DCT: variants seen among roughly 807,000 people sequenced by gnomAD.
The protein encoded by DCT is L-dopachrome tautomerase.
Under a neutral mutation model 53.0 loss-of-function variants are expected in DCT, and 47 were observed. The observed-to-expected ratio is 0.89, with a 90% CI of 0.70 to 1.13. The LOEUF is 1.13. Ranked by LOEUF, DCT falls within the 50% of genes most tolerant of loss-of-function variation. The pLI is 0.00. For missense variants in DCT, 669 were observed against 637.4 expected (o/e 1.05, Z -0.53); for synonymous variants, 244 against 237.0 (o/e 1.03, Z -0.27).
chr13:94,444,799 G>A (rs1566801747), intron 6 of DCT, among the ~76,000 whole-genome samples: 1 of 152,184 alleles, frequency 6.6e-6, no homozygotes, highest in South Asian at 2.1e-4. Context: ...ACTGTACCTT[G>A]TACCTCATTT....
At chr13:94,460,565 T>G (rs1883714176) in intron 5 of DCT, among the ~76,000 whole-genome samples, 1 of 152,170 alleles carries the variant, frequency 6.6e-6, no homozygotes, top group Non-Finnish European at 1.5e-5. Flanking sequence ...TTGTCTGTGA[T>G]CAGTAAATTC....
the DCT span, among the ~76,000 whole-genome samples, chr13:94,511,856 GTGTGTGTGTGTGTT>G: frequency 3.2e-5 from 4 of 126,518 alleles, no homozygotes; most frequent in Non-Finnish European, 5.0e-5. Flanking sequence ...GTGTGTGTGT[GTGTGTGTGTGTGTT>G]TGTGTTTTAA....
intron 1 of DCT, among the ~76,000 whole-genome samples, chr13:94,478,052 G>C (rs1315022564): frequency 1.3e-5 from 2 of 152,082 alleles, no homozygotes; most frequent in Non-Finnish European, 2.9e-5. Flanking sequence ...TAATGAGAGA[G>C]ACCAGAGTCT....
chr13:94,517,221 CATCTA>C, the DCT span, among the ~76,000 whole-genome samples: 4 of 152,302 alleles, frequency 2.6e-5, no homozygotes, highest in Middle Eastern at 3.4e-3. Flanking sequence ...TGTCTCCTAA[CATCTA>C]ATCACTTTTA....
chr13:94,478,453 G>A (rs1390890065), intron 1 of DCT, among the ~76,000 whole-genome samples: 1 of 152,044 alleles, frequency 6.6e-6, no homozygotes, highest in East Asian at 1.9e-4. Context: ...CTCCAGCCAC[G>A]GTGACAAAGC....
chr13:94,479,386 C>T lies in DCT; in HGVS notation c.-131G>A, dbSNP rs1244971630. The T allele has an allele frequency of 1.2e-5, 11 of 896,964 alleles. No individual in the cohort carries two copies. Among genetic ancestry groups the T allele is most frequent in the Non-Finnish European group, 1.6e-5 (10 of 607,982 alleles). 55.6% of individuals were successfully genotyped at this position (896,964 alleles called of 1,614,324 possible). A position where few individuals can be genotyped will look rare whatever the true frequency, so the allele number is the denominator to read the frequency against. ...ATTTTTCTTTGCTTTCTATTCCTTT[C>T]TTCTTAAAAAAATACCCACAAGAAT... On this transcript the variant is annotated 5_prime_UTR_variant, in exon 1 of 8. Transcript: ENST00000377028.
chr13:94,465,359 C>T (rs937036632), intron 4 of DCT: 40 of 228,534 alleles, frequency 1.8e-4, no homozygotes, highest in African/African-American at 7.5e-4. Flanking sequence ...AGGCAAAAAC[C>T]GCAATTACAT....
At chr13:94,536,557 G>A in the DCT span, among the ~76,000 whole-genome samples, 1 of 152,154 alleles carries the variant, frequency 6.6e-6, no homozygotes, top group South Asian at 2.1e-4. Flanking sequence ...TCACATGAGA[G>A]CTGGTTGTTA....
At chr13:94,526,366 G>A in the DCT span, among the ~76,000 whole-genome samples, 55 of 152,270 alleles carry the variant, frequency 3.6e-4, no homozygotes, top group South Asian at 9.7e-3. Flanking sequence ...TGAGTAACAC[G>A]GATATTCCGA....
At chr13:94,450,788 T>C (rs1033643616) in intron 6 of DCT, among the ~76,000 whole-genome samples, 6 of 152,182 alleles carry the variant, frequency 3.9e-5, no homozygotes, top group Admixed American at 2.6e-4. Context: ...GAAGAGATTC[T>C]AGACAGAGAC....
At chr13:94,495,375 G>A in the DCT span, among the ~76,000 whole-genome samples, 4 of 152,184 alleles carry the variant, frequency 2.6e-5, no homozygotes, top group African/African-American at 4.8e-5. Context: ...GGGATTACAG[G>A]TGTGAGCCAC....
intron 3 of DCT, 91 bp downstream of exon 3, chr13:94,466,462 CAAGAT>C: frequency 1.5e-6 from 1 of 675,572 alleles, no homozygotes; most frequent in Non-Finnish European, 2.4e-6. Context: ...GTATGAGTAT[CAAGAT>C]AAGTATATCA....
intron 6 of DCT, among the ~76,000 whole-genome samples, chr13:94,455,773 T>C (rs1466307489): frequency 1.3e-5 from 2 of 152,232 alleles, no homozygotes; most frequent in Non-Finnish European, 2.9e-5. Flanking sequence ...ATTACTAGCA[T>C]CATTTTTAAT....
At chr13:94,543,449 A>G in the DCT span, among the ~76,000 whole-genome samples, 2 of 152,142 alleles carry the variant, frequency 1.3e-5, no homozygotes, top group Admixed American at 6.5e-5. Flanking sequence ...AGCTCACCCA[A>G]TCTTAGATGG....
chr13:94,489,246 A>G, the DCT span, among the ~76,000 whole-genome samples: 1 of 152,218 alleles, frequency 6.6e-6, no homozygotes, highest in East Asian at 1.9e-4. Flanking sequence ...AGGACTTGTG[A>G]GGATGACATT....
At chr13:94,548,885 C>T in the DCT span, among the ~76,000 whole-genome samples, 1 of 152,204 alleles carries the variant, frequency 6.6e-6, no homozygotes, top group Non-Finnish European at 1.5e-5. Flanking sequence ...CTTGTTTAAA[C>T]ACCCGCTGCT....
At chr13:94,474,283 A>G (rs1049662374) in intron 1 of DCT, among the ~76,000 whole-genome samples, 5 of 152,222 alleles carry the variant, frequency 3.3e-5, no homozygotes, top group Admixed American at 2.6e-4. Context: ...TCATCTAAAC[A>G]CCACACATTC....
chr13:94,511,825 A>AGTGTGTGTGT, the DCT span, among the ~76,000 whole-genome samples: 7 of 143,814 alleles, frequency 4.9e-5, no homozygotes, highest in South Asian at 2.2e-4. Flanking sequence ...CAGCATTGTC[A>AGTGTGTGTGT]GTGTGTGTGT....
At position 94,439,790 on chromosome 13, in the gene DCT, T is replaced by C. The variant is rs373662791; in HGVS notation, c.*108A>G. ...ATCATCATCACTATAGAAGAACCTA[T>C]GTCAAAGATCTTCAACTCAAGAAGG... On this transcript the variant is annotated 3_prime_UTR_variant, in exon 8 of 8. Transcript: ENST00000377028. The C allele has an allele frequency of 3.7e-6, 3 of 809,528 alleles. No individual in the cohort carries two copies. The highest frequency in any genetic ancestry group is 5.9e-6 in the Non-Finnish European group (3 of 509,666). 50.1% of individuals were successfully genotyped at this position (809,528 alleles called of 1,614,324 possible).
Sources: allele counts gnomAD v4.1 joint callset (sites outside exome capture counted in the v4.1 genomes callset), GRCh38; gene constraint gnomAD v4.1.1; transcripts MANE v1.5; gene names NCBI Gene and HGNC (gene_info 2026-07-23, HGNC 2026-07-21).